The following CERT1 variants were observed in gnomAD, a reference collection of about 807,000 sequenced individuals.
The protein encoded by CERT1 is ceramide transporter 1.
CERT1 carries 31 observed loss-of-function variants against 87.9 expected under a neutral mutation model. The observed-to-expected ratio is 0.35, with a 90% confidence interval of 0.27 to 0.48. CERT1 has a LOEUF of 0.48. CERT1 is among the 20% of genes least tolerant of loss of function. The pLI is 0.99. For synonymous variants in CERT1, 289 were observed against 250.9 expected (o/e 1.15, Z -1.44); for missense variants, 487 against 758.0 (o/e 0.64, Z 4.20).
chr5:75,471,870 A>G (rs555298518), intron 2 of CERT1, among the ~76,000 whole-genome samples: 4 of 152,280 alleles, frequency 2.6e-5, no homozygotes, highest in African/African-American at 9.6e-5. Flanking sequence ...TACAGATTCA[A>G]TGCAATCCTT....
At chr5:75,469,572 T>A in intron 2 of CERT1, among the ~76,000 whole-genome samples, 1 of 151,966 alleles carries the variant, frequency 6.6e-6, no homozygotes, top group East Asian at 1.9e-4. Flanking sequence ...GTAAACCTTA[T>A]GGTAATCACA....
chr5:75,410,004 T>C (rs1221308863), intron 8 of CERT1, among the ~76,000 whole-genome samples: 1 of 152,122 alleles, frequency 6.6e-6, no homozygotes, highest in African/African-American at 2.4e-5. Context: ...GAAGTCTTGC[T>C]ATGCTGTCCA....
intron 2 of CERT1, among the ~76,000 whole-genome samples, chr5:75,461,933 T>C (rs12659791): frequency 0.14 from 20,739 of 151,970 alleles, 1,590 homozygotes; most frequent in East Asian, 0.21. Context: ...TACACACACA[T>C]ATGTGCCCCA....
intron 2 of CERT1, among the ~76,000 whole-genome samples, chr5:75,464,574 A>G (rs533431741): frequency 6.6e-6 from 1 of 152,048 alleles, no homozygotes; most frequent in South Asian, 2.1e-4. Context: ...TAAAGACTTG[A>G]GCAGTGTTTT....
intron 2 of CERT1, among the ~76,000 whole-genome samples, chr5:75,467,809 AG>A (rs34658832): frequency 6.6e-6 from 1 of 152,200 alleles, no homozygotes; most frequent in African/African-American, 2.4e-5. Context: ...ATATAAATTA[AG>A]GTGAGTTGTA....
intron 1 of CERT1, among the ~76,000 whole-genome samples, chr5:75,509,867 C>T (rs1767838830): frequency 6.6e-6 from 1 of 152,126 alleles, no homozygotes; most frequent in Non-Finnish European, 1.5e-5. Flanking sequence ...CTAAAGAAAT[C>T]CTGAGGAGCT....
chr5:75,486,104 A>G (rs1467530659), intron 2 of CERT1, among the ~76,000 whole-genome samples: 1 of 152,182 alleles, frequency 6.6e-6, no homozygotes. Flanking sequence ...AAAATCCTCA[A>G]CAAAATACTA....
At chr5:75,425,858 G>T (rs2112185325) in intron 4 of CERT1, among the ~76,000 whole-genome samples, 1 of 152,272 alleles carries the variant, frequency 6.6e-6, no homozygotes. Flanking sequence ...TTTGAAATGG[G>T]AAAAAATATT....
At chr5:75,494,350 A>C (rs1766958308) in intron 2 of CERT1, among the ~76,000 whole-genome samples, 1 of 152,180 alleles carries the variant, frequency 6.6e-6, no homozygotes, top group Non-Finnish European at 1.5e-5. Context: ...CCTGAGGATT[A>C]AAGTTTGTTG....
intron 14 of CERT1, among the ~76,000 whole-genome samples, 177 bp from the exon 15 acceptor site, chr5:75,382,254 T>C (rs1049847629): frequency 2.0e-5 from 3 of 152,150 alleles, no homozygotes; most frequent in African/African-American, 7.2e-5. Flanking sequence ...TGCAGAACAA[T>C]ATAATAAAAG....
At chr5:75,499,760 T>C (rs989289073) in intron 2 of CERT1, among the ~76,000 whole-genome samples, 3 of 152,162 alleles carry the variant, frequency 2.0e-5, no homozygotes, top group African/African-American at 7.2e-5. Context: ...CAAAATAAAA[T>C]GCACCACATA....
chr5:75,461,995 A>C (rs1765253652), intron 2 of CERT1, among the ~76,000 whole-genome samples: 1 of 152,186 alleles, frequency 6.6e-6, no homozygotes, highest in African/African-American at 2.4e-5. Flanking sequence ...TCTTTATTAA[A>C]AATTTTGATA....
rs114154597 is a variant in CERT1 at position 75,397,474 on chromosome 5, G to A, written c.1188+1836C>T. Among the ~76,000 whole-genome samples, 901 of 152,290 alleles carry A rather than the reference G, an allele frequency of 5.9e-3. 14 individuals carry two copies. The highest frequency in any genetic ancestry group is 0.021 in the African/African-American group (859 of 41,564). ...ACCTGGACTTAAAAGCAATTCAGCT[G>A]TTCTACAGCACTACAGTGAGGGCCC... On this transcript the variant is annotated intron_variant, in intron 11 of 16. Transcript: ENST00000643780.
chr5:75,460,980 T>G (rs566917015), intron 2 of CERT1, among the ~76,000 whole-genome samples: 54 of 152,296 alleles, frequency 3.5e-4, no homozygotes, highest in African/African-American at 1.2e-3. Context: ...GCTTCAGTAA[T>G]TATAAATACA....
chr5:75,475,011 T>C (rs1457134204), intron 2 of CERT1, among the ~76,000 whole-genome samples: 2 of 152,028 alleles, frequency 1.3e-5, no homozygotes, highest in Non-Finnish European at 2.9e-5. Context: ...CAACTAGCTA[T>C]ATCTAGTACC....
intron 17 of CERT1, chr5:75,369,879 T>C (rs1404959107): frequency 2.0e-5 from 3 of 152,236 alleles, no homozygotes; most frequent in South Asian, 2.1e-4. Flanking sequence ...AGTATACAGA[T>C]GTGGAACGTT....
At chr5:75,375,622 T>A, downstream of CERT1, 1 of 138,256 alleles carries the variant, frequency 7.2e-6, no homozygotes, top group African/African-American at 2.9e-5. Flanking sequence ...AATAAATAAA[T>A]AAATAAATAA....
intron 2 of CERT1, among the ~76,000 whole-genome samples, chr5:75,461,589 A>C (rs1765232983): frequency 6.6e-6 from 1 of 152,220 alleles, no homozygotes; most frequent in Admixed American, 6.5e-5. Flanking sequence ...ATTTCTTAAA[A>C]TGTTTTACAT....
chr5:75,407,098 T>A (rs1201640616), intron 8 of CERT1, among the ~76,000 whole-genome samples: 3 of 152,188 alleles, frequency 2.0e-5, no homozygotes, highest in Non-Finnish European at 4.4e-5. Flanking sequence ...TAAAGAATTG[T>A]ATATTTAATT....
Sources: gnomAD v4.1 joint callset for allele counts (sites outside exome capture counted in the v4.1 genomes callset) on GRCh38, gnomAD v4.1.1 for gene constraint, MANE v1.5 for transcripts, NCBI Gene and HGNC (gene_info 2026-07-23, HGNC 2026-07-21) for gene names.